Variants in ABAT observed in about 807,000 individuals in gnomAD.
ABAT encodes the protein 4-aminobutyrate aminotransferase, also known as 4-aminobutyrate aminotransferase, mitochondrial.
In ABAT, 45 loss-of-function variants were observed where a neutral mutation model predicts 64.6. The observed-to-expected ratio is 0.70, with a 90% CI of 0.55 to 0.89. ABAT has a LOEUF of 0.89. Among genes scored for constraint, ABAT ranks in the 40% least tolerant of loss-of-function variants. ABAT has a pLI of 0.00. For missense variants in ABAT, 633 were observed against 658.4 expected, an observed-to-expected ratio of 0.96 and a Z score of 0.42; for synonymous variants, 297 against 250.5, an observed-to-expected ratio of 1.19 and a Z score of -1.75.
At chr16:8,741,890 A>G (rs1187580223) in intron 2 of ABAT, among the ~76,000 whole-genome samples, 5 of 152,250 alleles carry the variant, frequency 3.3e-5, no homozygotes, top group Admixed American at 6.5e-5. Context: ...GTGAACAACA[A>G]TACTATCTAT....
chr16:8,722,780 GGGTCTA>G (rs1567285448), intron 1 of ABAT: 2 of 1,286,560 alleles, frequency 1.6e-6, no homozygotes, highest in Non-Finnish European at 2.0e-6. Context: ...CGCCCATCCA[GGGTCTA>G]GCGGATTGCA....
chr16:8,698,344 T>C (rs1198551365), intron 1 of ABAT, among the ~76,000 whole-genome samples: 3 of 152,058 alleles, frequency 2.0e-5, no homozygotes, highest in Admixed American at 1.3e-4. Context: ...CTTTTTTTTT[T>C]TTCTTTGAGA....
Position 8,750,350 on chromosome 16 carries a change from C to G in ABAT, c.199-72C>G, listed in dbSNP as rs1474589520. ...CACGATATGGTGTACTTCACTGATT[C>G]AAGCTTAATCCTAAAAGCCCAAGAA... On this transcript the variant is annotated intron_variant, in intron 4 of 15. Transcript: ENST00000268251. The G allele has an allele frequency of 2.3e-6, 3 of 1,291,404 alleles. 1 individual carries two copies. In the South Asian group the frequency reaches 3.6e-5, roughly 15 times the overall value. The allele number at this position is 1,291,404 out of a possible 1,614,324, so 80.0% of individuals were successfully genotyped here.
At chr16:8,682,186 TACACACAC>T (rs55951090) in intron 1 of ABAT, among the ~76,000 whole-genome samples, 10 of 131,456 alleles carry the variant, frequency 7.6e-5, no homozygotes, top group East Asian at 2.5e-4. Flanking sequence ...CCTAACAGGA[TACACACAC>T]ACACACACAC....
At chr16:8,769,743 C>T (rs1374897491) in intron 11 of ABAT, among the ~76,000 whole-genome samples, 3 of 152,124 alleles carry the variant, frequency 2.0e-5, no homozygotes, top group Non-Finnish European at 2.9e-5. Context: ...ACCCCCCTAC[C>T]CCCCGTTTCC....
chr16:8,755,078 G>T (rs1028188779), intron 5 of ABAT, among the ~76,000 whole-genome samples: 1 of 151,998 alleles, frequency 6.6e-6, no homozygotes, highest in African/African-American at 2.4e-5. Flanking sequence ...TTTTCAGCAC[G>T]TTCTTTCTTT....
intron 1 of ABAT, among the ~76,000 whole-genome samples, chr16:8,700,394 T>A (rs2057794236): frequency 6.6e-6 from 1 of 152,176 alleles, no homozygotes; most frequent in South Asian, 2.1e-4. Flanking sequence ...TACCTGAGAA[T>A]GCAACCATGT....
At chr16:8,772,454 T>C (rs906413928) in intron 11 of ABAT, among the ~76,000 whole-genome samples, 6 of 152,212 alleles carry the variant, frequency 3.9e-5, no homozygotes, top group Admixed American at 2.6e-4. Context: ...AGTGCTATAT[T>C]TTCTCATTCA....
rs1382344400 is a variant in ABAT, at chr16:8,757,763, G to A, written c.323G>A (p.Ser108Asn). The A allele has an allele frequency of 1.2e-6, 2 of 1,613,956 alleles. No homozygotes were observed. Among genetic ancestry groups the A allele is most frequent in the Admixed American group, 3.3e-5 (2 of 60,000 alleles). ...SQISSVPIGY[S>N]HPALLKLIQQ... ...AATACTCTCCTGCCCTCAGGTTACA[G>A]CCACCCCGCCCTGCTGAAACTCATC... is the stretch of plus-strand genomic sequence containing the variant. Residue 108 changes from serine (S) to asparagine (N), a missense_variant, in exon 6 of 16, where the codon AGC (serine) becomes AAC (asparagine). Ser to Asn is a conservative substitution (Grantham distance 46). Transcript: ENST00000268251.
Position 8,781,329 on chromosome 16 carries a change from G to A in ABAT, c.1402G>A (p.Gly468Ser). ...RNKGVVLGGC[G>S]DKSIRFRPTL... The stretch of plus-strand genomic sequence containing the variant: ...TTCAGGTGTGGTGTTGGGTGGCTGT[G>A]GTGACAAATCCATTCGTTTCCGTCC... The change falls in exon 16 of 16, where the codon GGT becomes AGT. Residue 468 changes from glycine to serine, a missense_variant. Gly to Ser is a moderately conservative substitution (Grantham distance 56). Transcript: ENST00000268251. The surrounding 1 kb of genome is among the most constrained non-coding windows in gnomAD (Gnocchi z 4.5). 6.2e-7 allele frequency: 1 copy of A among 1,614,120 alleles called. No homozygotes were observed.
At chr16:8,699,483 G>C (rs1013286596) in intron 1 of ABAT, among the ~76,000 whole-genome samples, 4 of 152,040 alleles carry the variant, frequency 2.6e-5, no homozygotes, top group Non-Finnish European at 5.9e-5. Flanking sequence ...ACTTGAACCT[G>C]GGAATCAGAG....
chr16:8,778,332 CTGT>C (rs1596473774), intron 14 of ABAT, among the ~76,000 whole-genome samples: 1 of 152,322 alleles, frequency 6.6e-6, no homozygotes, highest in East Asian at 1.9e-4. Context: ...GGGGGAGAAT[CTGT>C]TCCATGCCCC....
intron 1 of ABAT, among the ~76,000 whole-genome samples, chr16:8,688,044 C>T (rs1050734827): frequency 1.1e-4 from 16 of 151,274 alleles, no homozygotes; most frequent in Admixed American, 4.6e-4. Flanking sequence ...ACTATAGGCC[C>T]GTTCCCTGCC....
intron 14 of ABAT, among the ~76,000 whole-genome samples, chr16:8,778,002 T>C (rs2060316873): frequency 6.6e-6 from 1 of 152,172 alleles, no homozygotes; most frequent in African/African-American, 2.4e-5. Context: ...TGCCCGGCTC[T>C]GTCACCCCCA....
At chr16:8,692,476 G>A (rs1236416285) in intron 1 of ABAT, among the ~76,000 whole-genome samples, 1 of 152,188 alleles carries the variant, frequency 6.6e-6, no homozygotes, top group South Asian at 2.1e-4. Context: ...AGCAGGTGAG[G>A]TTTGCCTCTT....
intron 13 of ABAT, among the ~76,000 whole-genome samples, 155 bp downstream of exon 13, chr16:8,775,212 G>A (rs2060230992): frequency 6.6e-6 from 1 of 152,150 alleles, no homozygotes; most frequent in African/African-American, 2.4e-5. Context: ...ATTAGCAGTG[G>A]TGTGCCCTCC....
In ABAT at chr16:8,776,986, C is replaced by G. The variant is rs939304631; in HGVS notation, c.1269+496C>G. 6.6e-6 allele frequency among the ~76,000 whole-genome samples: 1 copy of G among 152,320 alleles called. No homozygotes were observed. Among genetic ancestry groups the G allele is most frequent in the African/African-American group, 2.4e-5 (1 of 41,574 alleles). The stretch of plus-strand genomic sequence containing the variant: ...CAATCTCAGCTCACCGCAACCGCTG[C>G]CTCCTGGGTTCAGGAGATTCTCCGG... On this transcript the variant is annotated intron_variant, in intron 14 of 15. Coordinates refer to ENST00000268251, the MANE Select transcript of ABAT (RefSeq NM_020686.6). The surrounding 1 kb of genome is among the most constrained non-coding windows in gnomAD (Gnocchi z 4.4).
intron 8 of ABAT, among the ~76,000 whole-genome samples, chr16:8,765,632 T>C (rs2059921838): frequency 6.6e-6 from 1 of 151,886 alleles, no homozygotes; most frequent in Non-Finnish European, 1.5e-5. Context: ...GCTACTGCAC[T>C]CCAACCTGAG....
At chr16:8,713,570 CCTT>C (rs879210187) in intron 1 of ABAT, 13 of 251,038 alleles carry the variant, frequency 5.2e-5, no homozygotes, top group South Asian at 1.7e-4. Context: ...TTCCCCTCCT[CCTT>C]CACCTTCCCT....
Sources: allele counts gnomAD v4.1 joint callset (sites outside exome capture counted in the v4.1 genomes callset), GRCh38; gene constraint gnomAD v4.1.1; non-coding constraint Gnocchi (gnomAD v3.1); transcripts MANE v1.5; gene names NCBI Gene and HGNC (gene_info 2026-07-23, HGNC 2026-07-21).